Variants in COQ8B observed in about 807,000 individuals in gnomAD.
The protein encoded by COQ8B is coenzyme Q8B.
In COQ8B, 44 loss-of-function variants were observed where a neutral mutation model predicts 62.0. That is an observed-to-expected ratio of 0.71 (90% CI 0.56 to 0.91). The LOEUF (loss-of-function observed/expected upper bound fraction) is 0.91, where lower values mean the gene tolerates loss of function less well. Ranked by LOEUF, COQ8B falls within the 40% of genes least tolerant of loss-of-function variation. COQ8B has a pLI of 0.00. For synonymous variants in COQ8B, 252 were observed against 289.9 expected, an observed-to-expected ratio of 0.87 and a Z score of 1.33; for missense variants, 649 against 731.6, an observed-to-expected ratio of 0.89 and a Z score of 1.30.
chr19:40,696,664 CAAA>C (rs36085326), intron 12 of COQ8B, among the ~76,000 whole-genome samples: 1 of 120,618 alleles, frequency 8.3e-6, no homozygotes. Context: ...GACTCCGTCT[CAAA>C]AAAAAAAAAA....
chr19:40,710,496 C>T (rs1006724488), intron 4 of COQ8B, among the ~76,000 whole-genome samples: 2 of 152,052 alleles, frequency 1.3e-5, no homozygotes, highest in African/African-American at 2.4e-5. Context: ...GTGATCCTCC[C>T]GCCTCGGCCT....
At chr19:40,710,867 C>T (rs992169441) in intron 4 of COQ8B, among the ~76,000 whole-genome samples, 3 of 152,192 alleles carry the variant, frequency 2.0e-5, no homozygotes, top group African/African-American at 7.2e-5. Context: ...CACAGTGGCT[C>T]ATGCCTATGA....
At position 40,705,398 on chromosome 19, in the gene COQ8B, G is replaced by C. The variant is rs774110193; in HGVS notation, c.417C>G (p.Ala139=). The C allele has an allele frequency of 1.3e-6, 2 of 1,594,480 alleles. No homozygotes were observed. The highest frequency in any genetic ancestry group is 1.7e-6 in the Non-Finnish European group (2 of 1,164,670). The change falls in exon 6 of 15, where the codon GCC becomes GCG. Residue 139 remains alanine, a synonymous_variant. Transcript: ENST00000324464. The part of the protein sequence containing the change: ...DSSPFLSEAN[A]ERIVQTLCTV... Reference sequence around the variant, plus strand: ...TACATAAGGTCTGCACAATCCGCTCGGCATTGGCCTCCGACAGGAAGGGGC... The same window carrying C: ...TACATAAGGTCTGCACAATCCGCTCCGCATTGGCCTCCGACAGGAAGGGGC...
rs766843479 is a variant in COQ8B at position 40,705,454 on chromosome 19, A to G, written c.368-7T>C. The G allele has an allele frequency of 3.2e-6, 5 of 1,546,830 alleles. No individual in the cohort carries two copies. In the South Asian group the frequency reaches 4.8e-5, roughly 15 times the overall value. ...TCCAGCCCAGAACCACCCTCTGGGG[A>G]GAGAACAACCATTAGAATTATAACC... is the stretch of plus-strand genomic sequence containing the variant. On this transcript the variant is annotated splice_polypyrimidine_tract_variant and splice_region_variant and intron_variant, in intron 5 of 14. Transcript: ENST00000324464.
At position 40,693,017 on chromosome 19, in the gene COQ8B, A is replaced by T. The variant is rs759977816; in HGVS notation, c.1230T>A (p.Asp410Glu). Residue 410 changes from aspartate to glutamate, a missense_variant, in exon 14 of 15, where the codon GAT (aspartate) becomes GAA (glutamate). By Grantham distance (45) the Asp-to-Glu change is conservative (BLOSUM62 2). Coordinates refer to ENST00000324464, the MANE Select transcript of COQ8B (RefSeq NM_024876.4). ...TCTGCAGGACACAGTCTCTGTCTCC[A>T]TCAGCTGCAGCCTTCACCACCTGGG... is the stretch of plus-strand genomic sequence containing the variant. ...HYIEVVKAAA[D>E]GDRDCVLQKS... 2 of 1,613,762 alleles carry T rather than the reference A, an allele frequency of 1.2e-6. No individual in the cohort carries two copies. The highest frequency in any genetic ancestry group is 1.7e-6 in the Non-Finnish European group (2 of 1,179,866).
rs1008978180 is a variant in COQ8B, at chr19:40,713,942, CTTTGTCTCTCTTTT to C, written c.289+111_289+124del. On this transcript the variant is annotated intron_variant, in intron 4 of 14. Transcript: ENST00000324464. ...TTCTCTTGGCCTTGCAGGCCCTTGCCTTTGTCTCTCTTTTTTTGTCTCTCTCTCTTTCCTGTCTC... is the reference window on the plus strand; with the variant it reads ...TTCTCTTGGCCTTGCAGGCCCTTGCCTTTGTCTCTCTCTCTTTCCTGTCTC... 7 of 1,062,926 alleles carry C rather than the reference CTTTGTCTCTCTTTT, an allele frequency of 6.6e-6. No homozygotes were observed. The African/African-American group carries it at 1.1e-4, about 17-fold the overall frequency. The allele number at this position is 1,062,926 out of a possible 1,614,324, so 65.8% of individuals were successfully genotyped here. A position where few individuals can be genotyped will look rare whatever the true frequency, so the allele number is the denominator to read the frequency against.
At chr19:40,695,403 T>C (rs1193055925) in intron 13 of COQ8B, among the ~76,000 whole-genome samples, 1 of 151,186 alleles carries the variant, frequency 6.6e-6, no homozygotes, top group Non-Finnish European at 1.5e-5. Context: ...CCAGGGCAAA[T>C]GTCCAATCTC....
intron 5 of COQ8B, among the ~76,000 whole-genome samples, chr19:40,706,502 A>G (rs186463292): frequency 3.9e-4 from 59 of 152,228 alleles, no homozygotes; most frequent in Admixed American, 3.3e-3. Context: ...GTCTCACTCT[A>G]TCACCCAGGC....
intron 4 of COQ8B, among the ~76,000 whole-genome samples, chr19:40,712,415 A>G (rs1482653720): frequency 6.6e-6 from 1 of 150,910 alleles, no homozygotes; most frequent in Non-Finnish European, 1.5e-5. Flanking sequence ...TCCCTAAGAA[A>G]AAAAAAAAAA....
intron 12 of COQ8B, among the ~76,000 whole-genome samples, chr19:40,697,851 T>TATATATATAGAGAG (rs1446181673): frequency 1.8e-5 from 1 of 54,750 alleles, no homozygotes; most frequent in Non-Finnish European, 3.1e-5. Flanking sequence ...TATATATATA[T>TATATATATAGAGAG]AGAGAGAGAG....
At chr19:40,697,861 G>GAGAGAGAGAGAGAGAGAGAT (rs2082029111) in intron 12 of COQ8B, among the ~76,000 whole-genome samples, 1 of 120,504 alleles carries the variant, frequency 8.3e-6, no homozygotes, top group Non-Finnish European at 1.8e-5. Flanking sequence ...TAGAGAGAGA[G>GAGAGAGAGAGAGAGAGAGAT]AGAGAGAGAG....
rs759968901 is a variant in COQ8B at position 40,692,330 on chromosome 19, T to TC, written c.1339dup (p.Glu447GlyfsTer10). Reference sequence around the variant, plus strand: ...ATAAGGGCCCTGGGTGGCGAAAGGCTCCCCCAGGATCATCACTGCCTCCAC... The same window carrying TC: ...ATAAGGGCCCTGGGTGGCGAAAGGCTCCCCCCAGGATCATCACTGCCTCCAC... On this transcript the variant is annotated frameshift_variant, in exon 15 of 15. Coordinates refer to ENST00000324464, the MANE Select transcript of COQ8B (RefSeq NM_024876.4). LOFTEE classifies it low-confidence loss of function (END_TRUNC). 70 of 1,613,012 alleles carry TC rather than the reference T, an allele frequency of 4.3e-5. No individual in the cohort carries two copies. Among genetic ancestry groups the TC allele is most frequent in the Non-Finnish European group, 5.9e-5 (70 of 1,179,708 alleles).
chr19:40,707,031 G>A (rs1336451268), intron 5 of COQ8B, among the ~76,000 whole-genome samples: 1 of 152,136 alleles, frequency 6.6e-6, no homozygotes, highest in East Asian at 1.9e-4. Context: ...CAGCACTTTG[G>A]GACGTCGGGG....
At chr19:40,707,376 G>T (rs937646985) in intron 5 of COQ8B, among the ~76,000 whole-genome samples, 3 of 151,346 alleles carry the variant, frequency 2.0e-5, no homozygotes, top group Non-Finnish European at 4.4e-5. Context: ...TGTCCCTACA[G>T]ATTTTCCTAT....
At chr19:40,714,478 C>T in intron 2 of COQ8B, 53 bp downstream of exon 2, 1 of 1,613,674 alleles carries the variant, frequency 6.2e-7, no homozygotes, top group South Asian at 1.1e-5. Context: ...CTTTTACCCT[C>T]TGAAGTCTCC....
In COQ8B at chr19:40,700,065, AC is replaced by A. The variant is rs778943760; in HGVS notation, c.1143+1del. On this transcript the variant is annotated splice_donor_variant, in intron 12 of 14. Coordinates refer to ENST00000324464, the MANE Select transcript of COQ8B (RefSeq NM_024876.4). LOFTEE classifies it high-confidence loss of function. Reference sequence around the variant, plus strand: ...CCCAGACACACATCACTAGGAACCAACCTGGTGGCTGGAGGCATCATACAGG... The same window carrying A: ...CCCAGACACACATCACTAGGAACCAACTGGTGGCTGGAGGCATCATACAGG... 7 of 1,613,700 alleles carry A rather than the reference AC, an allele frequency of 4.3e-6. No individual in the cohort carries two copies. Among genetic ancestry groups the A allele is most frequent in the Non-Finnish European group, 5.9e-6 (7 of 1,179,580 alleles).
chr19:40,701,224 G>C (rs1018709489), intron 10 of COQ8B: 2 of 152,278 alleles, frequency 1.3e-5, no homozygotes, highest in Non-Finnish European at 2.9e-5. Flanking sequence ...AGCTACTCAG[G>C]AGGCTGAGGT....
intron 12 of COQ8B, 72 bp downstream of exon 12, chr19:40,699,995 G>T: frequency 7.0e-7 from 1 of 1,432,752 alleles, no homozygotes; most frequent in South Asian, 1.2e-5. Context: ...CTATTTTGTT[G>T]AGCTACCGAA....
At chr19:40,711,131 CAAAAA>C (rs10586544) in intron 4 of COQ8B, among the ~76,000 whole-genome samples, 4 of 134,360 alleles carry the variant, frequency 3.0e-5, no homozygotes, top group African/African-American at 2.8e-5. Context: ...AACTCCGTCT[CAAAAA>C]AAAAAAAAAA....
Sources: allele counts gnomAD v4.1 joint callset (sites outside exome capture counted in the v4.1 genomes callset), GRCh38; gene constraint gnomAD v4.1.1; transcripts MANE v1.5; gene names NCBI Gene and HGNC (gene_info 2026-07-23, HGNC 2026-07-21).